CSMD1: variants seen among roughly 807,000 people sequenced by gnomAD.
CSMD1 encodes CUB and sushi domain-containing protein 1.
CSMD1 carries 213 observed loss-of-function variants against 417.5 expected under a neutral mutation model. The ratio of observed to expected loss-of-function variants is 0.51; its 90% CI spans 0.46 to 0.57. CSMD1 has a LOEUF of 0.57. Ranked by LOEUF, CSMD1 falls within the 20% of genes least tolerant of loss-of-function variation. The pLI is 0.00. For synonymous variants in CSMD1, 2,862 were observed against 1,736.8 expected, an observed-to-expected ratio of 1.65 and a Z score of -16.11; for missense variants, 6,923 against 4,529.7, an observed-to-expected ratio of 1.53 and a Z score of -15.17.
At chr8:4,578,053 T>A (rs1326367665) in intron 2 of CSMD1, among the ~76,000 whole-genome samples, 1 of 152,176 alleles carries the variant, frequency 6.6e-6, no homozygotes, top group Non-Finnish European at 1.5e-5. Context: ...CATTAATGTG[T>A]GTAAAAAGTT....
At chr8:4,020,195 C>A (rs1412972814) in intron 4 of CSMD1, among the ~76,000 whole-genome samples, 1 of 152,150 alleles carries the variant, frequency 6.6e-6, no homozygotes, top group African/African-American at 2.4e-5. Context: ...CTTTTATACA[C>A]ATAAAAATCT....
chr8:4,889,373 G>A (rs1563683509), intron 1 of CSMD1, among the ~76,000 whole-genome samples: 3 of 152,112 alleles, frequency 2.0e-5, no homozygotes, highest in Admixed American at 2.0e-4. Context: ...GAAAGATAAG[G>A]AAGACTGAGA....
intron 3 of CSMD1, among the ~76,000 whole-genome samples, chr8:4,130,373 A>G (rs780658937): frequency 6.6e-6 from 1 of 152,086 alleles, no homozygotes; most frequent in Non-Finnish European, 1.5e-5. Flanking sequence ...TTTGATCCTA[A>G]TTCCTTGTAA....
chr8:4,895,026 G>T (rs79211066), intron 1 of CSMD1, among the ~76,000 whole-genome samples: 6 of 152,118 alleles, frequency 3.9e-5, no homozygotes, highest in Non-Finnish European at 8.8e-5. Context: ...CTTGACCTGA[G>T]TTTTTTCATT....
chr8:4,312,188 A>C (rs1202750534), intron 3 of CSMD1, among the ~76,000 whole-genome samples: 1 of 151,880 alleles, frequency 6.6e-6, no homozygotes, highest in Non-Finnish European at 1.5e-5. Flanking sequence ...GACACAATGA[A>C]CATACACACT....
At chr8:3,457,229 C>T (rs1234920936) in intron 12 of CSMD1, among the ~76,000 whole-genome samples, 3 of 151,958 alleles carry the variant, frequency 2.0e-5, no homozygotes, top group Non-Finnish European at 2.9e-5. Context: ...CTCCTCACTG[C>T]ACCTCTCATC....
intron 5 of CSMD1, among the ~76,000 whole-genome samples, chr8:3,903,775 C>T (rs1446134887): frequency 6.6e-6 from 1 of 152,134 alleles, no homozygotes; most frequent in Non-Finnish European, 1.5e-5. Flanking sequence ...CAATTGAGTC[C>T]ACATTTGAGC....
chr8:3,281,056 C>T (rs182307640), intron 26 of CSMD1, among the ~76,000 whole-genome samples: 3 of 152,146 alleles, frequency 2.0e-5, no homozygotes, highest in African/African-American at 7.2e-5. Flanking sequence ...TGAAAACTTA[C>T]GTCCACACAA....
intron 3 of CSMD1, among the ~76,000 whole-genome samples, chr8:4,283,911 T>A (rs1196162052): frequency 6.6e-6 from 1 of 152,186 alleles, no homozygotes; most frequent in East Asian, 1.9e-4. Flanking sequence ...CATCCTAGAA[T>A]GTTTGCAAAT....
chr8:3,585,823 G>C (rs552699722), intron 9 of CSMD1, among the ~76,000 whole-genome samples: 1 of 152,148 alleles, frequency 6.6e-6, no homozygotes, highest in Non-Finnish European at 1.5e-5. Flanking sequence ...GGCAGGTCCA[G>C]CTGTGGGACA....
chr8:3,100,612 T>C (rs749685772), intron 46 of CSMD1, among the ~76,000 whole-genome samples: 3 of 152,106 alleles, frequency 2.0e-5, no homozygotes, highest in Non-Finnish European at 4.4e-5. Context: ...ACGTGAAAGC[T>C]TGCCTCTCTC....
In CSMD1 at chr8:4,480,416, A is replaced by C. The variant is rs936118887; in HGVS notation, c.303-60351T>G. 3.9e-5 allele frequency among the ~76,000 whole-genome samples: 6 copies of C among 152,190 alleles called. No individual in the cohort carries two copies. The East Asian group carries it at 1.2e-3, about 29-fold the overall frequency. ...TAATTTAAGTTTGTAAAGCGCGTTA[A>C]CATCCTTATCTCGAGTCTATTGCGA... On this transcript the variant is annotated intron_variant, in intron 2 of 69. Coordinates refer to ENST00000635120, the MANE Select transcript of CSMD1 (RefSeq NM_033225.6).
At chr8:4,678,065 C>A (rs1364717293) in intron 1 of CSMD1, among the ~76,000 whole-genome samples, 2 of 152,040 alleles carry the variant, frequency 1.3e-5, no homozygotes, top group African/African-American at 4.8e-5. Flanking sequence ...GGACACACAC[C>A]CACATATGAA....
chr8:3,752,855 C>T (rs1445834649), intron 6 of CSMD1, among the ~76,000 whole-genome samples: 4 of 152,102 alleles, frequency 2.6e-5, no homozygotes, highest in Non-Finnish European at 5.9e-5. Flanking sequence ...GCAACTGACC[C>T]TTGTTTCTCT....
intron 2 of CSMD1, among the ~76,000 whole-genome samples, chr8:4,482,687 G>T (rs903633208): frequency 1.3e-5 from 2 of 152,094 alleles, no homozygotes; most frequent in South Asian, 2.1e-4. Flanking sequence ...TTCCACAATG[G>T]CTGAAATAAT....
intron 41 of CSMD1, among the ~76,000 whole-genome samples, chr8:3,119,985 GT>G (rs2129019886): frequency 6.6e-6 from 1 of 152,290 alleles, no homozygotes; most frequent in Non-Finnish European, 1.5e-5. Context: ...GGAGAATGAA[GT>G]GAAATGGAAA....
At chr8:3,963,383 T>C (rs1033829344) in intron 5 of CSMD1, among the ~76,000 whole-genome samples, 66 of 152,318 alleles carry the variant, frequency 4.3e-4, no homozygotes, top group African/African-American at 1.5e-3. Flanking sequence ...TTCAGTAATA[T>C]ATGACATCCT....
intron 5 of CSMD1, among the ~76,000 whole-genome samples, chr8:3,812,834 C>G (rs1344412377): frequency 6.6e-6 from 1 of 152,124 alleles, no homozygotes; most frequent in Admixed American, 6.6e-5. Context: ...AGTTTTGAAA[C>G]ATTTATTTCA....
intron 3 of CSMD1, among the ~76,000 whole-genome samples, chr8:4,121,720 T>C (rs1428940207): frequency 6.6e-6 from 1 of 152,052 alleles, no homozygotes; most frequent in Non-Finnish European, 1.5e-5. Context: ...TACTTCATTC[T>C]AGAATTATGG....
Sources: allele counts gnomAD v4.1 joint callset (sites outside exome capture counted in the v4.1 genomes callset), GRCh38; gene constraint gnomAD v4.1.1; transcripts MANE v1.5; gene names NCBI Gene and HGNC (gene_info 2026-07-23, HGNC 2026-07-21).